The following SMG1 variants were observed in gnomAD, a reference collection of about 807,000 sequenced individuals.
The protein encoded by SMG1 is serine/threonine-protein kinase SMG1.
Under a neutral mutation model 419.9 loss-of-function variants are expected in SMG1, and 22 were observed. That is an observed-to-expected ratio of 0.05 (90% confidence interval 0.04 to 0.07). The LOEUF is 0.07. Among genes scored for constraint, SMG1 ranks in the 10% least tolerant of loss-of-function variants. The probability of loss-of-function intolerance (pLI) is 1.00; values close to 1 mark genes in which losing one functional copy is unlikely to be tolerated. For synonymous variants in SMG1, 1,538 were observed against 1,553.5 expected (o/e 0.99, Z 0.23); for missense variants, 3,185 against 4,342.0 (o/e 0.73, Z 7.49).
intron 29 of SMG1, among the ~76,000 whole-genome samples, chr16:18,856,175 T>C (rs894294556): frequency 2.0e-5 from 3 of 152,096 alleles, no homozygotes; most frequent in African/African-American, 7.2e-5. Flanking sequence ...TTCCTTCTTA[T>C]TTTTTGAGAC....
intron 5 of SMG1, 98 bp downstream of exon 5, chr16:18,890,765 T>C (rs1567431889): frequency 1.2e-5 from 8 of 676,828 alleles, no homozygotes; most frequent in African/African-American, 7.3e-5. Context: ...TAGATGTTCA[T>C]AAACAAAGCC....
intron 3 of SMG1, among the ~76,000 whole-genome samples, chr16:18,895,672 T>C (rs1370313389): frequency 2.0e-5 from 3 of 150,234 alleles, no homozygotes; most frequent in African/African-American, 7.4e-5. Flanking sequence ...CCTGCACACG[T>C]ACCCTGAACT....
chr16:18,868,950 T>G (rs1272829553), intron 20 of SMG1, among the ~76,000 whole-genome samples, 154 bp downstream of exon 20: 1 of 152,258 alleles, frequency 6.6e-6, no homozygotes, highest in Admixed American at 6.5e-5. Context: ...AATGCAATTA[T>G]TCAATGAAAG....
intron 2 of SMG1, among the ~76,000 whole-genome samples, 165 bp downstream of exon 2, chr16:18,896,628 A>G (rs2037138653): frequency 1.3e-5 from 2 of 152,198 alleles, no homozygotes; most frequent in Non-Finnish European, 2.9e-5. Context: ...TAAAAATAAT[A>G]AAGTGGATAA....
At position 18,879,889 on chromosome 16, in the gene SMG1, C is replaced by T. The variant is rs970295043; in HGVS notation, c.1294-170G>A. Among the ~76,000 whole-genome samples, 3 of 152,196 alleles carry T rather than the reference C, an allele frequency of 2.0e-5. No homozygotes were observed. In the East Asian group the frequency reaches 5.8e-4, roughly 29 times the overall value. On this transcript the variant is annotated intron_variant, in intron 10 of 62. Coordinates refer to ENST00000446231, the MANE Select transcript of SMG1 (RefSeq NM_015092.5). Reference sequence around the variant, plus strand: ...TTGAATAATAATGATATCTTTAGTACAGTATGTAAACATGATCTTGGCTAA... The same window carrying T: ...TTGAATAATAATGATATCTTTAGTATAGTATGTAAACATGATCTTGGCTAA...
intron 26 of SMG1, 63 bp downstream of exon 26, chr16:18,860,604 C>A: frequency 1.4e-6 from 1 of 716,806 alleles, no homozygotes; most frequent in Non-Finnish European, 2.4e-6. Flanking sequence ...GTAAAATATA[C>A]TAAGCCAAAC....
chr16:18,895,071 C>A (rs979216648), intron 3 of SMG1, among the ~76,000 whole-genome samples: 1 of 152,080 alleles, frequency 6.6e-6, no homozygotes, highest in Non-Finnish European at 1.5e-5. Flanking sequence ...CCCGTCTCAG[C>A]CTCCCAAAGT....
At chr16:18,837,700 T>C (rs1202601801) in intron 45 of SMG1, among the ~76,000 whole-genome samples, 1 of 152,166 alleles carries the variant, frequency 6.6e-6, no homozygotes, top group African/African-American at 2.4e-5. Context: ...GGCTACCAGA[T>C]AGGGAAGGGA....
rs746823660 is a variant in SMG1 at position 18,849,292 on chromosome 16, G to C, written c.5548C>G (p.Gln1850Glu). The C allele has an allele frequency of 3.1e-6, 5 of 1,613,744 alleles. No homozygotes were observed. The highest frequency in any genetic ancestry group is 4.2e-6 in the Non-Finnish European group (5 of 1,179,750). Residue 1850 changes from glutamine (Q) to glutamate (E), a missense_variant, in exon 36 of 63, where the codon CAA becomes GAA. Gln to Glu is a conservative substitution (Grantham distance 29). Coordinates refer to ENST00000446231, the MANE Select transcript of SMG1 (RefSeq NM_015092.5). ...TACAATATGAGATGTGGGGAATCTTGAGCCACACGGCAGAGAAGGTTACAA... is the reference window on the plus strand; with the variant it reads ...TACAATATGAGATGTGGGGAATCTTCAGCCACACGGCAGAGAAGGTTACAA... ...SICNLLCRVA[Q>E]DSPHLILYPA...
intron 13 of SMG1, among the ~76,000 whole-genome samples, chr16:18,872,912 G>C (rs944560221): frequency 1.3e-5 from 2 of 152,208 alleles, no homozygotes; most frequent in South Asian, 4.1e-4. Flanking sequence ...CTAGCACTTT[G>C]GGAGGGTAAG....
chr16:18,888,614 C>T (rs2036742525), intron 6 of SMG1, among the ~76,000 whole-genome samples: 1 of 151,586 alleles, frequency 6.6e-6, no homozygotes, highest in Non-Finnish European at 1.5e-5. Context: ...ACTACAGGCG[C>T]GTGCCACCAT....
At chr16:18,831,734 G>A (rs11643908) in intron 51 of SMG1, among the ~76,000 whole-genome samples, 42,973 of 130,544 alleles carry the variant, frequency 0.33, 7,346 homozygotes, top group Middle Eastern at 0.41. Context: ...CCAGCCTAGC[G>A]ACACAGCAAG....
intron 1 of SMG1, among the ~76,000 whole-genome samples, chr16:18,920,777 C>T (rs2038166763): frequency 6.6e-6 from 1 of 151,554 alleles, no homozygotes; most frequent in African/African-American, 2.4e-5. Context: ...GAGGTGGAGG[C>T]TGCAGTGAGC....
rs758763738 is a variant in SMG1 at position 18,852,171 on chromosome 16, T to G, written c.4948A>C (p.Lys1650Gln). The G allele has an allele frequency of 6.2e-7, 1 of 1,613,870 alleles. No homozygotes were observed. Among genetic ancestry groups the G allele is most frequent in the African/African-American group, 1.3e-5 (1 of 75,020 alleles). ...GGAAGTAGATTCTGAACTTCAGATT[T>G]TTCTCTAGGCAGCAGACGAACACCT... ...GEGVRLLPRE[K>Q]SEVQNLLPDT... The change falls in exon 33 of 63, where the codon AAA becomes CAA. Residue 1650 changes from lysine (K) to glutamine (Q), a missense_variant. Lys to Gln is a moderately conservative substitution (Grantham distance 53, BLOSUM62 1). Around this residue, in one of 27 missense-constraint regions of SMG1, gnomAD observed 493 missense variants for 552.9 expected, o/e 0.89. Coordinates refer to ENST00000446231, the MANE Select transcript of SMG1 (RefSeq NM_015092.5).
In SMG1 at chr16:18,859,645, G is replaced by A; in HGVS notation, c.3864C>T (p.Ser1288=). Residue 1288 remains serine (S), a synonymous_variant, in exon 27 of 63, where the codon TCC becomes TCT. Transcript: ENST00000446231. ...AACTTCTTAACAATTGAACTTCAAT[G>A]GATTTCTGAAGTTCCCTCGGATCCG... ...LSPDPRELQK[S]IEVQLLRSSV... is the part of the protein sequence containing the mutation. 1.2e-6 allele frequency: 2 copies of A among 1,612,930 alleles called. No homozygotes were observed. The highest frequency in any genetic ancestry group is 1.7e-4 in the Middle Eastern group (1 of 6,050).
chr16:18,809,518 T>C lies in SMG1; in HGVS notation c.*51A>G. 1 of 1,408,448 alleles carries C rather than the reference T, an allele frequency of 7.1e-7. No homozygotes were observed. The highest frequency in any genetic ancestry group is 1.2e-5 in the South Asian group (1 of 83,012). The allele number at this position is 1,408,448 out of a possible 1,614,324, so 87.2% of individuals were successfully genotyped here. A position where few individuals can be genotyped will look rare whatever the true frequency, so the allele number is the denominator to read the frequency against. On this transcript the variant is annotated 3_prime_UTR_variant, in exon 63 of 63. Coordinates refer to ENST00000446231, the MANE Select transcript of SMG1 (RefSeq NM_015092.5). ...TTTGGATGCCTGAGGCTGAGTTGAT[T>C]CTGGTGGATGTCTGACCTCGCTTAA...
chr16:18,897,812 A>G (rs2037193601), intron 1 of SMG1, among the ~76,000 whole-genome samples: 1 of 151,344 alleles, frequency 6.6e-6, no homozygotes. Context: ...ATCAAGAAAG[A>G]AGACAACAAA....
intron 36 of SMG1, among the ~76,000 whole-genome samples, chr16:18,848,930 G>A (rs1267322011): frequency 6.6e-6 from 1 of 151,580 alleles, no homozygotes; most frequent in African/African-American, 2.4e-5. Flanking sequence ...AATTAGCTGG[G>A]CGTGGTGGCA....
In SMG1 at chr16:18,906,689, C is replaced by T. The variant is rs1416620680; in HGVS notation, c.93-9733G>A. On this transcript the variant is annotated intron_variant, in intron 1 of 62. Coordinates refer to ENST00000446231, the MANE Select transcript of SMG1 (RefSeq NM_015092.5). ...AAAAGGAAAAACTCCATCAATCCCACATGTCCCTCCATCAAACAATCTGCC... is the reference window on the plus strand; with the variant it reads ...AAAAGGAAAAACTCCATCAATCCCATATGTCCCTCCATCAAACAATCTGCC... Among the ~76,000 whole-genome samples, 3 of 152,328 alleles carry T rather than the reference C, an allele frequency of 2.0e-5. No individual in the cohort carries two copies. The East Asian group carries it at 5.8e-4, about 29-fold the overall frequency.
Sources: gnomAD v4.1 joint callset for allele counts (sites outside exome capture counted in the v4.1 genomes callset) on GRCh38, gnomAD v4.1.1 for gene constraint, gnomAD v4.1.1 regional missense constraint, MANE v1.5 for transcripts, NCBI Gene and HGNC (gene_info 2026-07-23, HGNC 2026-07-21) for gene names.